The following DLGAP4 variants were observed in gnomAD, a reference collection of about 807,000 sequenced individuals.
DLGAP4 encodes the protein disks large-associated protein 4.
DLGAP4 carries 18 observed loss-of-function variants against 86.9 expected under a neutral mutation model. The observed-to-expected ratio is 0.21, with a 90% CI of 0.14 to 0.31. DLGAP4 has a LOEUF of 0.31. Ranked by LOEUF, DLGAP4 falls within the 10% of genes least tolerant of loss-of-function variation. DLGAP4 has a pLI of 1.00. For synonymous variants in DLGAP4, 548 were observed against 574.3 expected (o/e 0.95, Z 0.65); for missense variants, 1,085 against 1,362.6 (o/e 0.80, Z 3.21).
chr20:36,400,898 C>T (rs1404856438), intron 2 of DLGAP4, among the ~76,000 whole-genome samples: 8 of 152,034 alleles, frequency 5.3e-5, no homozygotes, highest in East Asian at 1.9e-4. Context: ...CAGCTGTCAC[C>T]GGGCGCTGGG....
intron 1 of DLGAP4, among the ~76,000 whole-genome samples, chr20:36,325,643 A>G (rs1049099936): frequency 2.0e-5 from 3 of 151,902 alleles, no homozygotes; most frequent in Admixed American, 6.6e-5. Flanking sequence ...ATACATACAT[A>G]TTTAGGATCA....
At chr20:36,309,573 A>G (rs1466159796) in intron 1 of DLGAP4, among the ~76,000 whole-genome samples, 2 of 152,220 alleles carry the variant, frequency 1.3e-5, no homozygotes, top group African/African-American at 4.8e-5. Flanking sequence ...TAGCCCCTAA[A>G]GTCCCAGCAG....
chr20:36,424,769 T>G (rs1200142143), intron 2 of DLGAP4, among the ~76,000 whole-genome samples: 1 of 150,634 alleles, frequency 6.6e-6, no homozygotes, highest in Non-Finnish European at 1.5e-5. Context: ...AGAGTCTTGC[T>G]CTGTCACTCA....
At chr20:36,319,362 T>C (rs2065143461) in intron 1 of DLGAP4, among the ~76,000 whole-genome samples, 1 of 152,054 alleles carries the variant, frequency 6.6e-6, no homozygotes, top group South Asian at 2.1e-4. Flanking sequence ...CTCAGAGGCT[T>C]GGTTTGAGGG....
At chr20:36,422,463 T>C (rs2032856470) in intron 2 of DLGAP4, among the ~76,000 whole-genome samples, 1 of 151,994 alleles carries the variant, frequency 6.6e-6, no homozygotes, top group Admixed American at 6.6e-5. Context: ...GGAAATGGGA[T>C]TGGTAATATC....
intron 1 of DLGAP4, among the ~76,000 whole-genome samples, chr20:36,341,719 G>A (rs1184336152): frequency 6.6e-6 from 1 of 152,264 alleles, no homozygotes; most frequent in Admixed American, 6.5e-5. Context: ...AGTGCACACA[G>A]TAGGTGCTTG....
At chr20:36,524,845 T>A (rs2037609032) in intron 11 of DLGAP4, among the ~76,000 whole-genome samples, 1 of 151,640 alleles carries the variant, frequency 6.6e-6, no homozygotes, top group East Asian at 1.9e-4. Context: ...GAGGTTGTGG[T>A]GAGCCGAGAT....
At chr20:36,384,955 G>A (rs2031541648) in intron 2 of DLGAP4, among the ~76,000 whole-genome samples, 1 of 152,196 alleles carries the variant, frequency 6.6e-6, no homozygotes, top group South Asian at 2.1e-4. Flanking sequence ...GGAAGTGGAA[G>A]GGGGTTACTT....
chr20:36,448,273 C>T (rs2033652619), intron 7 of DLGAP4, among the ~76,000 whole-genome samples: 1 of 152,036 alleles, frequency 6.6e-6, no homozygotes, highest in Admixed American at 6.6e-5. Flanking sequence ...ACATCTGAGC[C>T]CAGGAGATGA....
At position 36,526,025 on chromosome 20, in the gene DLGAP4, G is replaced by A. The variant is rs186518399; in HGVS notation, c.2760+19G>A. The A allele has an allele frequency of 3.0e-5, 49 of 1,613,714 alleles. No individual in the cohort carries two copies. In the Middle Eastern group the frequency reaches 1.5e-3, roughly 49 times the overall value. ...GAGGAAGGTGAGCATGGAGCAGTGC[G>A]GAGGGGAAGTCCAGGGACAAATTCC... On this transcript the variant is annotated intron_variant, in intron 12 of 12. Transcript: ENST00000339266.
intron 7 of DLGAP4, among the ~76,000 whole-genome samples, chr20:36,455,885 G>A (rs944881099): frequency 6.6e-6 from 1 of 152,068 alleles, no homozygotes; most frequent in African/African-American, 2.4e-5. Flanking sequence ...GGGCCCACCT[G>A]TCCCCTCACT....
At chr20:36,386,057 G>A (rs1292575474) in intron 2 of DLGAP4, among the ~76,000 whole-genome samples, 3 of 152,116 alleles carry the variant, frequency 2.0e-5, no homozygotes, top group Non-Finnish European at 4.4e-5. Context: ...AAAGGAAGGC[G>A]GGGGCCTCGG....
At chr20:36,418,109 G>T (rs1040902431) in intron 2 of DLGAP4, among the ~76,000 whole-genome samples, 1 of 149,564 alleles carries the variant, frequency 6.7e-6, no homozygotes, top group South Asian at 2.1e-4. Context: ...GTGTGTGCGC[G>T]CATATGTGTG....
chr20:36,425,785 C>T (rs2147527680), intron 2 of DLGAP4, among the ~76,000 whole-genome samples: 1 of 152,272 alleles, frequency 6.6e-6, no homozygotes, highest in Middle Eastern at 3.4e-3. Flanking sequence ...CATGCCATTG[C>T]ACTCCAGCCT....
chr20:36,307,967 T>G (rs1302550384), intron 1 of DLGAP4, among the ~76,000 whole-genome samples: 1 of 152,246 alleles, frequency 6.6e-6, no homozygotes, highest in African/African-American at 2.4e-5. Flanking sequence ...GGCTGCCTGG[T>G]CCCAGGGTGG....
At chr20:36,380,475 C>G (rs549789706) in intron 2 of DLGAP4, among the ~76,000 whole-genome samples, 5 of 152,036 alleles carry the variant, frequency 3.3e-5, no homozygotes, top group Non-Finnish European at 7.4e-5. Flanking sequence ...GTAGTCCCAG[C>G]TACTTGGGAG....
At chr20:36,427,896 C>T (rs1372143747) in intron 2 of DLGAP4, among the ~76,000 whole-genome samples, 1 of 151,818 alleles carries the variant, frequency 6.6e-6, no homozygotes, top group Non-Finnish European at 1.5e-5. Context: ...TGAGCTGAGA[C>T]CACCCCATTG....
At position 36,500,501 on chromosome 20, in the gene DLGAP4, G is replaced by C; in HGVS notation, c.2402G>C (p.Arg801Pro). ...GAGCCGGCACAGCCAGGGGCCTGCCGCCGAGACGGCTACTGGTTCCTAAAG... is the reference window on the plus strand; with the variant it reads ...GAGCCGGCACAGCCAGGGGCCTGCCCCCGAGACGGCTACTGGTTCCTAAAG... ...PAEPAQPGAC[R>P]RDGYWFLKLL... The change falls in exon 10 of 13, where the codon CGC becomes CCC. Residue 801 changes from arginine to proline, a missense_variant. By Grantham distance (103) the Arg-to-Pro change is moderately radical. Around this residue, in one of 2 missense-constraint regions of DLGAP4, gnomAD observed 1,082 missense variants for 1,344.1 expected, o/e 0.81. Transcript: ENST00000339266. The surrounding 1 kb of genome is among the most constrained non-coding windows in gnomAD (Gnocchi z 4.6). The C allele has an allele frequency of 6.3e-7, 1 of 1,592,946 alleles. No individual in the cohort carries two copies. Among genetic ancestry groups the C allele is most frequent in the Non-Finnish European group, 8.6e-7 (1 of 1,169,294 alleles).
intron 2 of DLGAP4, among the ~76,000 whole-genome samples, chr20:36,376,058 G>A (rs1055060200): frequency 1.3e-5 from 2 of 152,022 alleles, no homozygotes; most frequent in African/African-American, 2.4e-5. Context: ...GAGTTCAGTG[G>A]CGTGATCAGG....
Sources: gnomAD v4.1 joint callset for allele counts (sites outside exome capture counted in the v4.1 genomes callset) on GRCh38, gnomAD v4.1.1 for gene constraint, gnomAD v4.1.1 regional missense constraint, Gnocchi (gnomAD v3.1) non-coding constraint, MANE v1.5 for transcripts, NCBI Gene and HGNC (gene_info 2026-07-23, HGNC 2026-07-21) for gene names.